ANO10: variants seen among roughly 807,000 people sequenced by gnomAD.
The protein encoded by ANO10 is anoctamin 10, also known as anoctamin-10.
ANO10 carries 77 observed loss-of-function variants against 74.7 expected under a neutral mutation model. That is an observed-to-expected ratio of 1.03 (90% CI 0.86 to 1.25). ANO10 has a LOEUF of 1.25. ANO10 is among the 50% of genes most tolerant of loss of function. ANO10 has a pLI of 0.00. For missense variants in ANO10, 721 were observed against 778.1 expected, an observed-to-expected ratio of 0.93 and a Z score of 0.87; for synonymous variants, 279 against 284.9, an observed-to-expected ratio of 0.98 and a Z score of 0.21.
At chr3:43,392,166 T>A (rs898850229) in intron 12 of ANO10, among the ~76,000 whole-genome samples, 24 of 151,684 alleles carry the variant, frequency 1.6e-4, no homozygotes, top group Admixed American at 2.6e-4. Flanking sequence ...TCACTGACTT[T>A]AAAAAAAAAT....
chr3:43,661,547 A>C (rs1183446985), intron 1 of ANO10, among the ~76,000 whole-genome samples: 1 of 152,234 alleles, frequency 6.6e-6, no homozygotes, highest in Non-Finnish European at 1.5e-5. Flanking sequence ...TCAATTTCAC[A>C]CATAACAATA....
chr3:43,612,140 T>TTTTATA (rs1487366739), intron 1 of ANO10, among the ~76,000 whole-genome samples: 1 of 64,546 alleles, frequency 1.5e-5, no homozygotes, highest in African/African-American at 4.9e-5. Flanking sequence ...ATTAAATATT[T>TTTTATA]TATATATATA....
intron 11 of ANO10, among the ~76,000 whole-genome samples, chr3:43,436,966 G>C (rs1575798548): frequency 6.6e-6 from 1 of 152,114 alleles, no homozygotes; most frequent in Non-Finnish European, 1.5e-5. Flanking sequence ...CATTCAGATG[G>C]CAGCCACGAC....
chr3:43,682,721 G>C (rs375087047), intron 1 of ANO10, among the ~76,000 whole-genome samples: 1 of 152,144 alleles, frequency 6.6e-6, no homozygotes, highest in East Asian at 1.9e-4. Flanking sequence ...ACATCAAAAA[G>C]CTTATCCACC....
chr3:43,600,461 C>G lies in ANO10; in HGVS notation c.260G>C (p.Gly87Ala). The change falls in exon 3 of 13, where the codon GGA becomes GCA. Residue 87 changes from glycine (G) to alanine (A), a missense_variant. Coordinates refer to ENST00000292246, the MANE Select transcript of ANO10 (RefSeq NM_018075.5). ...GTTATCATTGCACTCTTTTACCAAT[C>G]CCACTGCTTCTGCCCCTAGTAACAT... ...IRMLLGAEAV[G>A]LVKECNDNTM... is the part of the protein sequence containing the mutation. 2 of 1,614,138 alleles carry G rather than the reference C, an allele frequency of 1.2e-6. No homozygotes were observed. The highest frequency in any genetic ancestry group is 1.7e-6 in the Non-Finnish European group (2 of 1,180,008).
chr3:43,609,053 A>G (rs967080076), intron 1 of ANO10, among the ~76,000 whole-genome samples: 32 of 152,298 alleles, frequency 2.1e-4, no homozygotes, highest in Admixed American at 5.2e-4. Context: ...TACATATAAG[A>G]CACTGTATTG....
At chr3:43,536,522 G>A (rs1300628300) in intron 11 of ANO10, among the ~76,000 whole-genome samples, 3 of 152,222 alleles carry the variant, frequency 2.0e-5, no homozygotes, top group Admixed American at 2.0e-4. Context: ...TCAAATGTAT[G>A]AGAATGATGC....
intron 12 of ANO10, among the ~76,000 whole-genome samples, chr3:43,427,687 G>A (rs776903147): frequency 8.5e-5 from 13 of 152,288 alleles, no homozygotes; most frequent in East Asian, 7.7e-4. Context: ...CTTTTGTTAC[G>A]TGGGAGGAGC....
At chr3:43,518,628 T>C (rs1239013655) in intron 11 of ANO10, among the ~76,000 whole-genome samples, 2 of 152,260 alleles carry the variant, frequency 1.3e-5, no homozygotes, top group East Asian at 3.9e-4. Flanking sequence ...GGAACAGCCC[T>C]GAGAAAGAGA....
chr3:43,414,183 A>T (rs889176840), intron 12 of ANO10, among the ~76,000 whole-genome samples: 16 of 152,168 alleles, frequency 1.1e-4, no homozygotes, highest in African/African-American at 3.4e-4. Flanking sequence ...CACACACAAA[A>T]AGAAGGGCGT....
chr3:43,558,042 T>C (rs1455255747), intron 9 of ANO10, among the ~76,000 whole-genome samples: 1 of 150,594 alleles, frequency 6.6e-6, no homozygotes, highest in Non-Finnish European at 1.5e-5. Flanking sequence ...GAGGTTGAGG[T>C]TGCAGTGAGC....
chr3:43,667,076 T>G (rs36081846), intron 1 of ANO10, among the ~76,000 whole-genome samples: 1 of 113,824 alleles, frequency 8.8e-6, no homozygotes, highest in African/African-American at 3.6e-5. Flanking sequence ...ATGCATGTTT[T>G]TTTTTTTTTT....
intron 11 of ANO10, among the ~76,000 whole-genome samples, chr3:43,436,826 G>A (rs2093075216): frequency 1.3e-5 from 2 of 152,176 alleles, no homozygotes; most frequent in South Asian, 4.1e-4. Flanking sequence ...AGTAGTAGCT[G>A]TGTTTTGTAG....
intron 1 of ANO10, among the ~76,000 whole-genome samples, chr3:43,668,219 G>C (rs918673199): frequency 6.6e-6 from 1 of 151,668 alleles, no homozygotes; most frequent in African/African-American, 2.4e-5. Context: ...TTTGTTGGCT[G>C]TTTGTATATC....
rs1023830272 is a variant in ANO10 at position 43,369,369 on chromosome 3, G to A, written c.1915-2395C>T. The stretch of plus-strand genomic sequence containing the variant: ...TCATCTGCACTGAACTGCACTACTG[G>A]TGGCAAAGGTAGAAAGAATGGCCAG... On this transcript the variant is annotated intron_variant, in intron 12 of 12. Coordinates refer to ENST00000292246, the MANE Select transcript of ANO10 (RefSeq NM_018075.5). Among the ~76,000 whole-genome samples the A allele has an allele frequency of 3.9e-5, 6 of 152,280 alleles. 1 individual carries two copies. The highest frequency in any genetic ancestry group is 1.3e-4 in the Admixed American group (2 of 15,292).
intron 12 of ANO10, among the ~76,000 whole-genome samples, chr3:43,425,200 CTTTTTT>C (rs74270681): frequency 6.9e-5 from 9 of 131,078 alleles, no homozygotes; most frequent in Admixed American, 6.2e-4. Context: ...TTTACTGTAA[CTTTTTT>C]TTTTTTTTTT....
chr3:43,443,837 C>A (rs113343584), intron 11 of ANO10, among the ~76,000 whole-genome samples: 1 of 151,800 alleles, frequency 6.6e-6, no homozygotes, highest in African/African-American at 2.4e-5. Context: ...TGCACCACCA[C>A]GCCTGGCTAA....
chr3:43,409,432 C>T (rs1484143583), intron 12 of ANO10, among the ~76,000 whole-genome samples: 1 of 152,034 alleles, frequency 6.6e-6, no homozygotes, highest in Non-Finnish European at 1.5e-5. Flanking sequence ...TTGGTCCCAG[C>T]TACTTGTGGG....
intron 11 of ANO10, among the ~76,000 whole-genome samples, chr3:43,477,360 C>T (rs1374381432): frequency 6.6e-6 from 1 of 152,148 alleles, no homozygotes; most frequent in East Asian, 1.9e-4. Context: ...AAATTACTTA[C>T]TCAAACAAAC....
Sources: gnomAD v4.1 joint callset for allele counts (sites outside exome capture counted in the v4.1 genomes callset) on GRCh38, gnomAD v4.1.1 for gene constraint, MANE v1.5 for transcripts, NCBI Gene and HGNC (gene_info 2026-07-23, HGNC 2026-07-21) for gene names.